Variants in ZNF469 observed in about 807,000 individuals in gnomAD.
ZNF469 encodes the protein zinc finger protein 469.
Under a neutral mutation model 1.0 loss-of-function variants are expected in ZNF469, and 1 was observed. The observed-to-expected ratio is 1.00, with a 90% CI of 0.35 to 4.73. The LOEUF is 4.73. ZNF469 is among the 30% of genes most tolerant of loss of function. The pLI is 0.16. For synonymous variants in ZNF469, 2,703 were observed against 2,363.4 expected (o/e 1.14, Z -4.17); for missense variants, 6,100 against 5,356.3 (o/e 1.14, Z -4.33).
At chr16:88,250,679 C>G in the ZNF469 span, among the ~76,000 whole-genome samples, 2 of 152,142 alleles carry the variant, frequency 1.3e-5, no homozygotes, top group Non-Finnish European at 2.9e-5. Flanking sequence ...AATGTTTTCT[C>G]CATTTTTCAA....
chr16:88,299,250 G>T, the ZNF469 span, among the ~76,000 whole-genome samples: 3 of 151,568 alleles, frequency 2.0e-5, no homozygotes, highest in Non-Finnish European at 4.4e-5. Flanking sequence ...TTGCGGCGGG[G>T]TAGGCTTCCT....
chr16:88,422,763 GAT>G (rs1905523834), intron 1 of ZNF469, among the ~76,000 whole-genome samples: 1 of 148,926 alleles, frequency 6.7e-6, no homozygotes, highest in Non-Finnish European at 1.5e-5. Flanking sequence ...TGGATGGATG[GAT>G]GGATGGATGG....
chr16:88,422,747 AATGG>A (rs56651491), intron 1 of ZNF469, among the ~76,000 whole-genome samples: 10,741 of 118,664 alleles, frequency 0.091, 1,273 homozygotes, highest in African/African-American at 0.29. Flanking sequence ...TGGATGAGTG[AATGG>A]ATGGATGGAT....
chr16:88,343,354 A>C, the ZNF469 span, among the ~76,000 whole-genome samples: 1 of 152,328 alleles, frequency 6.6e-6, no homozygotes, highest in South Asian at 2.1e-4. Flanking sequence ...AAATAAATAA[A>C]TGGGGAAGAA....
the ZNF469 span, among the ~76,000 whole-genome samples, chr16:88,204,146 T>C: frequency 3.2e-4 from 44 of 138,598 alleles, no homozygotes; most frequent in East Asian, 8.7e-4. Context: ...CGTAACCCCA[T>C]AGAGCAGCCG....
the ZNF469 span, among the ~76,000 whole-genome samples, chr16:88,120,404 C>T: frequency 1.3e-5 from 2 of 152,256 alleles, no homozygotes; most frequent in Non-Finnish European, 2.9e-5. Context: ...GTGATGTCAT[C>T]GGGCCGGCGG....
chr16:88,208,695 C>A, the ZNF469 span, among the ~76,000 whole-genome samples: 1 of 150,308 alleles, frequency 6.7e-6, no homozygotes, highest in Non-Finnish European at 1.5e-5. Context: ...AGGAAGCACG[C>A]ACAGATAAGA....
the ZNF469 span, among the ~76,000 whole-genome samples, chr16:88,122,365 C>T: frequency 2.6e-5 from 4 of 151,522 alleles, no homozygotes; most frequent in South Asian, 8.4e-4. Context: ...CCATCACCCA[C>T]TATGGCCACA....
In ZNF469 at chr16:88,429,915, C is replaced by T. The variant is rs1240382093; in HGVS notation, c.2445C>T (p.Gly815=). The change falls in exon 3 of 3, where the codon GGC becomes GGT. Residue 815 remains glycine, a synonymous_variant. Transcript: ENST00000565624. ...GCAAAGACGACCCCCTGAGGACAGG[C>T]TTCCTGCCCAGCCTGGCCGCCACCC... ...AEGKDDPLRT[G]FLPSLAATPF... The T allele has an allele frequency of 6.5e-6, 10 of 1,550,170 alleles. No homozygotes were observed. The highest frequency in any genetic ancestry group is 2.4e-5 in the East Asian group (1 of 40,932).
chr16:88,281,107 C>T, the ZNF469 span, among the ~76,000 whole-genome samples: 8 of 149,388 alleles, frequency 5.4e-5, no homozygotes, highest in African/African-American at 1.7e-4. Flanking sequence ...TGGTCAGTAC[C>T]GTGTCAATTT....
rs1274227926 is a variant in ZNF469, at chr16:88,382,965, C to G, written c.-481C>G. Among the ~76,000 whole-genome samples the G allele has an allele frequency of 1.3e-5, 2 of 151,866 alleles. No individual in the cohort carries two copies. The highest frequency in any genetic ancestry group is 2.9e-5 in the Non-Finnish European group (2 of 67,912). On this transcript the variant is annotated 5_prime_UTR_variant, in exon 1 of 3. Coordinates refer to ENST00000565624, the MANE Select transcript of ZNF469 (RefSeq NM_001367624.2). ...GCCCCAGCCTCCGGGGGGCAGACCCCGCGGCCGCCGGCCGGCGTCCGGCCT... is the reference window on the plus strand; with the variant it reads ...GCCCCAGCCTCCGGGGGGCAGACCCGGCGGCCGCCGGCCGGCGTCCGGCCT...
the ZNF469 span, among the ~76,000 whole-genome samples, chr16:88,315,801 C>T: frequency 6.6e-6 from 1 of 152,186 alleles, no homozygotes; most frequent in African/African-American, 2.4e-5. Context: ...GGGCTGGGGT[C>T]CTTGGAGGCC....
intron 1 of ZNF469, among the ~76,000 whole-genome samples, chr16:88,397,713 G>A (rs1269068385): frequency 7.2e-6 from 1 of 139,474 alleles, no homozygotes; most frequent in Non-Finnish European, 1.6e-5. Context: ...ATATACGCGA[G>A]GAAAGAGAGA....
the ZNF469 span, among the ~76,000 whole-genome samples, chr16:88,349,480 A>G: frequency 2.7e-5 from 4 of 146,224 alleles, no homozygotes; most frequent in East Asian, 8.3e-4. Flanking sequence ...CCGGCACAAT[A>G]CACACCATAC....
the ZNF469 span, among the ~76,000 whole-genome samples, chr16:88,221,297 G>A: frequency 6.6e-5 from 10 of 152,306 alleles, no homozygotes; most frequent in East Asian, 1.2e-3. Flanking sequence ...AGCTTCCCAC[G>A]GCCGTGAGGG....
At chr16:88,384,858 A>T (rs958069031) in intron 1 of ZNF469, among the ~76,000 whole-genome samples, 1 of 152,120 alleles carries the variant, frequency 6.6e-6, no homozygotes, top group African/African-American at 2.4e-5. Context: ...CCCTGCCTCC[A>T]GGTTACTGAC....
chr16:88,351,931 G>T, the ZNF469 span, among the ~76,000 whole-genome samples: 7 of 152,258 alleles, frequency 4.6e-5, no homozygotes, highest in East Asian at 1.4e-3. Context: ...GGAGAAACAC[G>T]ACGTGTCCCA....
At chr16:88,291,157 A>C in the ZNF469 span, among the ~76,000 whole-genome samples, 1 of 151,836 alleles carries the variant, frequency 6.6e-6, no homozygotes, top group South Asian at 2.1e-4. Context: ...CGGGCTCCCC[A>C]CTCCCCTCTT....
the ZNF469 span, among the ~76,000 whole-genome samples, chr16:88,173,314 C>T: frequency 6.6e-6 from 1 of 152,198 alleles, no homozygotes; most frequent in African/African-American, 2.4e-5. Flanking sequence ...CATGGGAAGA[C>T]ATCTGTAATA....
Sources: gnomAD v4.1 joint callset for allele counts (sites outside exome capture counted in the v4.1 genomes callset) on GRCh38, gnomAD v4.1.1 for gene constraint, MANE v1.5 for transcripts, NCBI Gene and HGNC (gene_info 2026-07-23, HGNC 2026-07-21) for gene names.